ADD2: variants seen among roughly 807,000 people sequenced by gnomAD.
ADD2 encodes adducin 2, also known as beta-adducin.
In ADD2, 23 loss-of-function variants were observed where a neutral mutation model predicts 83.0. That is an observed-to-expected ratio of 0.28 (90% CI 0.20 to 0.39). The LOEUF (loss-of-function observed/expected upper bound fraction) is 0.39. ADD2 is among the 10% of genes least tolerant of loss of function. The pLI, the probability that ADD2 is intolerant of heterozygous loss-of-function variation, is 1.00. For missense variants in ADD2, 758 were observed against 944.9 expected, an observed-to-expected ratio of 0.80 and a Z score of 2.59; for synonymous variants, 375 against 375.4, an observed-to-expected ratio of 1.00 and a Z score of 0.01.
chr2:70,693,876 T>A (rs891847845), intron 6 of ADD2, among the ~76,000 whole-genome samples: 1 of 152,204 alleles, frequency 6.6e-6, no homozygotes, highest in South Asian at 2.1e-4. Flanking sequence ...GCAGCCACCC[T>A]CCCATACGGT....
chr2:70,704,263 T>TGGGCCCCCCCCCCCACCCC, intron 4 of ADD2, 58 bp downstream of exon 4: 1 of 913,238 alleles, frequency 1.1e-6, no homozygotes, highest in Non-Finnish European at 1.7e-6. Context: ...CTCCCTCTCT[T>TGGGCCCCCCCCCCCACCCC]CCCCACCCCA....
In ADD2 at chr2:70,677,882, A is replaced by G. The variant is rs918711949; in HGVS notation, c.1384-5T>C. On this transcript the variant is annotated splice_polypyrimidine_tract_variant and splice_region_variant and intron_variant, in intron 11 of 15. Transcript: ENST00000264436. ...CACCTCGTCAGCCTTCATCCACTGCACAAACACAAGGTCATGGGGCTGAGG... is the reference window on the plus strand; with the variant it reads ...CACCTCGTCAGCCTTCATCCACTGCGCAAACACAAGGTCATGGGGCTGAGG... 27 of 1,614,028 alleles carry G rather than the reference A, an allele frequency of 1.7e-5. No homozygotes were observed. The highest frequency in any genetic ancestry group is 2.2e-5 in the Non-Finnish European group (26 of 1,180,028).
intron 1 of ADD2, among the ~76,000 whole-genome samples, chr2:70,762,027 T>C (rs1435199987): frequency 1.3e-5 from 2 of 151,744 alleles, no homozygotes; most frequent in East Asian, 3.9e-4. Flanking sequence ...GGCAGAAAAT[T>C]TCCCTTTTAT....
rs1187063354 is a variant in ADD2 at position 70,659,995 on chromosome 2, A to C, written c.*3430T>G. On this transcript the variant is annotated 3_prime_UTR_variant, in exon 16 of 16. Coordinates refer to ENST00000264436, the MANE Select transcript of ADD2 (RefSeq NM_001617.4). ...CCAGACATGAACCTACTGCCCACCA[A>C]ATCTGAGCTCTTGAATACACATTTT... 6.6e-6 allele frequency: 1 copy of C among 152,174 alleles called. No homozygotes were observed. Among genetic ancestry groups the C allele is most frequent in the Non-Finnish European group, 1.5e-5 (1 of 68,012 alleles). 9.4% of individuals were successfully genotyped at this position (152,174 alleles called of 1,614,324 possible).
chr2:70,726,140 T>C (rs1184896329), intron 1 of ADD2, among the ~76,000 whole-genome samples: 1 of 116,676 alleles, frequency 8.6e-6, no homozygotes, highest in Non-Finnish European at 1.6e-5. Flanking sequence ...TGAGCCAAGA[T>C]CCCGCCACGG....
At chr2:70,767,699 C>T in intron 1 of ADD2, 187 bp downstream of exon 1, 1 of 1,406,796 alleles carries the variant, frequency 7.1e-7, no homozygotes, top group Non-Finnish European at 9.2e-7. Context: ...GATGCTACAT[C>T]ATCACCAGAA....
rs1273415918 is a variant in ADD2, at chr2:70,676,968, G to A, written c.1504-83C>T. The A allele has an allele frequency of 6.4e-7, 1 of 1,550,614 alleles. No individual in the cohort carries two copies. The highest frequency in any genetic ancestry group is 8.7e-7 in the Non-Finnish European group (1 of 1,144,584). On this transcript the variant is annotated intron_variant, in intron 12 of 15. Transcript: ENST00000264436. The surrounding 1 kb of genome is among the most constrained non-coding windows in gnomAD (Gnocchi z 4.8). ...GGGAGGGGGCATACGGGTGTGCCTG[G>A]GGTCTAGAAAGGTCCTCTAGCGGTG... is the stretch of plus-strand genomic sequence containing the variant.
rs782366699 is a variant in ADD2, at chr2:70,678,969, G to A, written c.1126-8C>T. 3.8e-6 allele frequency: 6 copies of A among 1,597,512 alleles called. No homozygotes were observed. The highest frequency in any genetic ancestry group is 3.4e-6 in the Non-Finnish European group (4 of 1,172,162). Reference sequence around the variant, plus strand: ...GTAACCTGTTCTGTAGCCCTATAAAGGACAAAAATAGAACCACTTATGGGG... The same window carrying A: ...GTAACCTGTTCTGTAGCCCTATAAAAGACAAAAATAGAACCACTTATGGGG... On this transcript the variant is annotated splice_polypyrimidine_tract_variant and splice_region_variant and intron_variant, in intron 10 of 15. Transcript: ENST00000264436.
At chr2:70,725,983 C>T (rs554492717) in intron 1 of ADD2, among the ~76,000 whole-genome samples, 4 of 151,866 alleles carry the variant, frequency 2.6e-5, no homozygotes, top group South Asian at 2.1e-4. Flanking sequence ...GTCAGGAGAT[C>T]GAGACCATCC....
chr2:70,676,723 A>G lies in ADD2; in HGVS notation c.1593+73T>C. 1 of 1,602,340 alleles carries G rather than the reference A, an allele frequency of 6.2e-7. No homozygotes were observed. Among genetic ancestry groups the G allele is most frequent in the African/African-American group, 1.3e-5 (1 of 74,732 alleles). On this transcript the variant is annotated intron_variant, in intron 13 of 15. Transcript: ENST00000264436. This position sits in a 1 kb window ranked among gnomAD's most constrained non-coding sequence, Gnocchi z 4.8. ...GGTATGAGGACTCAGGGGTCCTGCAACCCAGCCCCAGGCACAGAAGACCCC... is the reference window on the plus strand; with the variant it reads ...GGTATGAGGACTCAGGGGTCCTGCAGCCCAGCCCCAGGCACAGAAGACCCC...
At chr2:70,669,726 T>G (rs1324114689) in intron 15 of ADD2, among the ~76,000 whole-genome samples, 2 of 152,232 alleles carry the variant, frequency 1.3e-5, no homozygotes, top group African/African-American at 4.8e-5. Flanking sequence ...GGCCAAAGAC[T>G]TAAGAAGGCC....
At chr2:70,722,366 T>C (rs1386320464) in intron 1 of ADD2, among the ~76,000 whole-genome samples, 2 of 152,188 alleles carry the variant, frequency 1.3e-5, no homozygotes, top group East Asian at 3.8e-4. Context: ...GGCGGACACA[T>C]CCCAACTTCA....
chr2:70,739,823 G>T (rs574427454), intron 1 of ADD2, among the ~76,000 whole-genome samples: 1 of 152,278 alleles, frequency 6.6e-6, no homozygotes, highest in East Asian at 1.9e-4. Context: ...TACAGGATGA[G>T]AACACATGGA....
chr2:70,751,076 A>G (rs1397126973), intron 1 of ADD2, among the ~76,000 whole-genome samples: 1 of 152,242 alleles, frequency 6.6e-6, no homozygotes, highest in Non-Finnish European at 1.5e-5. Flanking sequence ...ACTTTTCAGG[A>G]GCCTTGAATT....
intron 1 of ADD2, among the ~76,000 whole-genome samples, chr2:70,743,235 T>C (rs1674014475): frequency 6.6e-6 from 1 of 152,224 alleles, no homozygotes; most frequent in Non-Finnish European, 1.5e-5. Context: ...TGGCTCTCCA[T>C]GTATCACCCC....
At chr2:70,720,681 A>G (rs777131088) in intron 1 of ADD2, among the ~76,000 whole-genome samples, 105 of 152,258 alleles carry the variant, frequency 6.9e-4, no homozygotes, top group Non-Finnish European at 1.2e-3. Flanking sequence ...CACCTTCTGT[A>G]TATTTCTGTG....
chr2:70,747,237 C>T (rs753110157), intron 1 of ADD2, among the ~76,000 whole-genome samples: 1 of 152,144 alleles, frequency 6.6e-6, no homozygotes, highest in Non-Finnish European at 1.5e-5. Context: ...GTCTCGATCT[C>T]CTGACCTCAA....
intron 1 of ADD2, among the ~76,000 whole-genome samples, chr2:70,717,080 C>T (rs1308478701): frequency 6.6e-6 from 1 of 152,084 alleles, no homozygotes; most frequent in Non-Finnish European, 1.5e-5. Context: ...TCAGCTGGGA[C>T]CCTCCTCTCT....
rs80074663 is a variant in ADD2 at position 70,695,244 on chromosome 2, C to T, written c.555+477G>A. 1.4e-3 allele frequency among the ~76,000 whole-genome samples: 214 copies of T among 152,212 alleles called. 11 individuals are homozygous for T. In the East Asian group the frequency reaches 0.024, roughly 17 times the overall value. ...AGACAGTCCTTTCTACTGCTTTCCTCCCCCCATCTGGAAATATTTCCTGAA... is the reference window on the plus strand; with the variant it reads ...AGACAGTCCTTTCTACTGCTTTCCTTCCCCCATCTGGAAATATTTCCTGAA... On this transcript the variant is annotated intron_variant, in intron 6 of 15. Transcript: ENST00000264436.
Sources: gnomAD v4.1 joint callset for allele counts (sites outside exome capture counted in the v4.1 genomes callset) on GRCh38, gnomAD v4.1.1 for gene constraint, Gnocchi (gnomAD v3.1) non-coding constraint, MANE v1.5 for transcripts, NCBI Gene and HGNC (gene_info 2026-07-23, HGNC 2026-07-21) for gene names.